The following PEX2 variants were observed in gnomAD, a reference collection of about 807,000 sequenced individuals.
PEX2 encodes the protein peroxisome biogenesis factor 2.
Under a neutral mutation model 25.2 loss-of-function variants are expected in PEX2, and 19 were observed. That is an observed-to-expected ratio of 0.75 (90% CI 0.53 to 1.10). The LOEUF is 1.10. Ranked by LOEUF, PEX2 falls within the 50% of genes least tolerant of loss-of-function variation. The pLI is 0.00. For synonymous variants in PEX2, 141 were observed against 127.7 expected (o/e 1.10, Z -0.70); for missense variants, 347 against 350.6 (o/e 0.99, Z 0.08).
intron 1 of PEX2, among the ~76,000 whole-genome samples, chr8:76,994,750 T>C (rs542936093): frequency 3.9e-4 from 60 of 152,336 alleles, no homozygotes; most frequent in African/African-American, 1.3e-3. Flanking sequence ...AATGAAAATG[T>C]CACTGCCACA....
upstream of PEX2, among the ~76,000 whole-genome samples, chr8:77,000,650 T>TAA (rs1350097538): frequency 2.0e-5 from 3 of 152,126 alleles, no homozygotes; most frequent in Admixed American, 2.0e-4. Context: ...GATAGGCTGT[T>TAA]TATCTCTGCA....
chr8:76,988,407 CTT>C (rs1368438169), intron 1 of PEX2, 69 bp from the exon 2 acceptor site: 1 of 152,196 alleles, frequency 6.6e-6, no homozygotes, highest in Non-Finnish European at 1.5e-5. Context: ...GCATATAAAA[CTT>C]ATATTTTCAC....
chr8:76,997,611 T>C (rs1057323798), intron 1 of PEX2, among the ~76,000 whole-genome samples: 1 of 152,140 alleles, frequency 6.6e-6, no homozygotes, highest in Non-Finnish European at 1.5e-5. Context: ...CAAAACACCA[T>C]TACACTTAAG....
At chr8:77,000,661 G>A (rs1807485781), upstream of PEX2, among the ~76,000 whole-genome samples, 1 of 152,206 alleles carries the variant, frequency 6.6e-6, no homozygotes, top group Non-Finnish European at 1.5e-5. Context: ...TATCTCTGCA[G>A]GCTCAGGAAG....
At chr8:76,986,073 A>G (rs1213172518) in intron 3 of PEX2, 114 bp downstream of exon 3, 1 of 152,194 alleles carries the variant, frequency 6.6e-6, no homozygotes, top group African/African-American at 2.4e-5. Flanking sequence ...AAGTCCAGGA[A>G]ACAAAAATGA....
Position 76,980,355 on chromosome 8 carries a change from A to G in PEX2, c.*2906T>C, listed in dbSNP as rs1806778836. On this transcript the variant is annotated 3_prime_UTR_variant, in exon 4 of 4. Coordinates refer to ENST00000357039, the MANE Select transcript of PEX2 (RefSeq NM_000318.3). The stretch of plus-strand genomic sequence containing the variant: ...ATGAATGTCCTTATCAAGCTAGATC[A>G]CTGGTAAAATGAGACTGCAATGTGG... The G allele has an allele frequency of 6.6e-6, 1 of 152,258 alleles. No individual in the cohort carries two copies. Among genetic ancestry groups the G allele is most frequent in the African/African-American group, 2.4e-5 (1 of 41,472 alleles). The allele number at this position is 152,258 out of a possible 1,614,324, so 9.4% of individuals were successfully genotyped here.
At chr8:76,995,600 A>G (rs754620540) in intron 1 of PEX2, among the ~76,000 whole-genome samples, 37 of 152,288 alleles carry the variant, frequency 2.4e-4, no homozygotes, top group Middle Eastern at 3.4e-3. Flanking sequence ...TACACAATAT[A>G]GTTATTCAAG....
chr8:76,992,003 C>A (rs1168814596), intron 1 of PEX2, among the ~76,000 whole-genome samples: 2 of 152,138 alleles, frequency 1.3e-5, no homozygotes, highest in Admixed American at 6.5e-5. Flanking sequence ...CCTCAATCAA[C>A]CTGTATCAAA....
At chr8:76,990,509 T>A (rs1363951167) in intron 1 of PEX2, among the ~76,000 whole-genome samples, 1 of 152,132 alleles carries the variant, frequency 6.6e-6, no homozygotes, top group African/African-American at 2.4e-5. Context: ...TTGCTAGATT[T>A]TGATTTAAAG....
chr8:76,986,137 C>T (rs1168303244), intron 3 of PEX2, 50 bp downstream of exon 3: 2 of 152,132 alleles, frequency 1.3e-5, no homozygotes, highest in South Asian at 2.1e-4. Flanking sequence ...AGATATACAA[C>T]AGGAATGCTT....
intron 1 of PEX2, among the ~76,000 whole-genome samples, chr8:76,996,179 C>CTAA (rs1353658672): frequency 1.3e-5 from 2 of 152,188 alleles, no homozygotes; most frequent in African/African-American, 4.8e-5. Flanking sequence ...AAACACTTAA[C>CTAA]ACCTACCAGT....
chr8:76,990,005 T>C (rs946966499), intron 1 of PEX2, among the ~76,000 whole-genome samples: 1 of 152,222 alleles, frequency 6.6e-6, no homozygotes, highest in Non-Finnish European at 1.5e-5. Flanking sequence ...CTTTTGTCTA[T>C]CTTGAAAATA....
chr8:77,000,701 C>G (rs1446940080), upstream of PEX2, among the ~76,000 whole-genome samples: 3 of 152,206 alleles, frequency 2.0e-5, no homozygotes, highest in East Asian at 5.8e-4. Context: ...GTCATCCGCC[C>G]TGCAAAGCGC....
intron 1 of PEX2, among the ~76,000 whole-genome samples, chr8:76,989,013 A>G (rs989904699): frequency 6.6e-6 from 1 of 150,522 alleles, no homozygotes; most frequent in African/African-American, 2.4e-5. Context: ...AAACTAAAAA[A>G]AAAAAAAAAA....
Position 76,983,252 on chromosome 8 carries a change from T to C in PEX2, c.*9A>G, listed in dbSNP as rs776341482. Reference sequence around the variant, plus strand: ...GCATTTTTTTCCTCAAAGGAAGCAATTTTAGTTTCTAAAGAGCATTTACTT... The same window carrying C: ...GCATTTTTTTCCTCAAAGGAAGCAACTTTAGTTTCTAAAGAGCATTTACTT... On this transcript the variant is annotated 3_prime_UTR_variant, in exon 4 of 4. Coordinates refer to ENST00000357039, the MANE Select transcript of PEX2 (RefSeq NM_000318.3). 8.7e-6 allele frequency: 14 copies of C among 1,610,804 alleles called. No individual in the cohort carries two copies. The highest frequency in any genetic ancestry group is 1.7e-5 in the Admixed American group (1 of 60,006).
In PEX2 at chr8:76,981,743, G is replaced by A. The variant is rs1038665426; in HGVS notation, c.*1518C>T. 3 of 152,070 alleles carry A rather than the reference G, an allele frequency of 2.0e-5. No individual in the cohort carries two copies. Among genetic ancestry groups the A allele is most frequent in the Non-Finnish European group, 4.4e-5 (3 of 68,010 alleles). The allele number at this position is 152,070 out of a possible 1,614,324, so 9.4% of individuals were successfully genotyped here. A position where few individuals can be genotyped will look rare whatever the true frequency, so the allele number is the denominator to read the frequency against. ...GTGATGATCTCTCTCAAAAAATTGT[G>A]GGAAAGTTGATTTTATATTTTTTCC... On this transcript the variant is annotated 3_prime_UTR_variant, in exon 4 of 4. Coordinates refer to ENST00000357039, the MANE Select transcript of PEX2 (RefSeq NM_000318.3).
chr8:76,988,264 A>C (rs925664494), intron 2 of PEX2, 43 bp downstream of exon 2: 1 of 152,208 alleles, frequency 6.6e-6, no homozygotes, highest in African/African-American at 2.4e-5. Context: ...AGTGGTTTTC[A>C]AACTTGTGAC....
chr8:76,999,955 G>A (rs1807451326), intron 1 of PEX2, 35 bp downstream of exon 1: 2 of 456,636 alleles, frequency 4.4e-6, no homozygotes, highest in South Asian at 3.1e-5. Context: ...CAAGACCTCG[G>A]GTTTGCACTC....
chr8:76,994,394 T>C (rs7016885), intron 1 of PEX2, among the ~76,000 whole-genome samples: 5 of 152,140 alleles, frequency 3.3e-5, no homozygotes, highest in African/African-American at 9.7e-5. Flanking sequence ...CAGAAATCTA[T>C]CAATAATAAT....
Sources: allele counts gnomAD v4.1 joint callset (sites outside exome capture counted in the v4.1 genomes callset), GRCh38; gene constraint gnomAD v4.1.1; transcripts MANE v1.5; gene names NCBI Gene and HGNC (gene_info 2026-07-23, HGNC 2026-07-21).